The following GOLM2 variants were observed in gnomAD, a reference collection of about 807,000 sequenced individuals.
The protein encoded by GOLM2 is protein GOLM2.
GOLM2 carries 26 observed loss-of-function variants against 55.9 expected under a neutral mutation model. The observed-to-expected ratio is 0.47, with a 90% CI of 0.34 to 0.65. The LOEUF is 0.65. Among genes scored for constraint, GOLM2 ranks in the 30% least tolerant of loss-of-function variants. The pLI, the probability that GOLM2 is intolerant of heterozygous loss-of-function variation, is 0.01. For synonymous variants in GOLM2, 165 were observed against 194.6 expected (o/e 0.85, Z 1.27); for missense variants, 486 against 531.8 (o/e 0.91, Z 0.85).
chr15:44,314,209 C>G (rs1432806281), intron 1 of GOLM2, among the ~76,000 whole-genome samples: 1 of 149,692 alleles, frequency 6.7e-6, no homozygotes, highest in Non-Finnish European at 1.5e-5. Context: ...TGCACTGCAG[C>G]CTGGGCAACA....
intron 8 of GOLM2, among the ~76,000 whole-genome samples, chr15:44,382,823 T>C (rs2079413003): frequency 6.6e-6 from 1 of 150,672 alleles, no homozygotes; most frequent in Non-Finnish European, 1.5e-5. Context: ...CTTGAGAGGC[T>C]GAGGCAGGAG....
chr15:44,344,702 T>C (rs953745743), intron 6 of GOLM2, among the ~76,000 whole-genome samples: 21 of 152,086 alleles, frequency 1.4e-4, no homozygotes, highest in African/African-American at 5.1e-4. Context: ...GCAATCCTTC[T>C]GCCTTACCTT....
Position 44,289,113 on chromosome 15 carries a change from C to T in GOLM2, c.84C>T (p.Leu28=), listed in dbSNP as rs77839597. 9,723 of 1,614,132 alleles carry T rather than the reference C, an allele frequency of 6.0e-3. 521 individuals are homozygous for T. The African/African-American group carries it at 0.11, about 19-fold the overall frequency. ...TGCTGCTGGTGGTGATCGTCGTCCT[C>T]GCCTTCAACTACTGGAGCATCTCCT... ...LVVLLVVIVV[L]AFNYWSISSR... Residue 28 remains leucine, a synonymous_variant, in exon 1 of 10, where the codon CTC becomes CTT. Coordinates refer to ENST00000299957, the MANE Select transcript of GOLM2 (RefSeq NM_138423.4). This position sits in a 1 kb window ranked among gnomAD's most constrained non-coding sequence, Gnocchi z 4.8.
At chr15:44,351,576 C>CAAAAAAAAAAAAAAAAAAAAA (rs1175016633) in intron 6 of GOLM2, among the ~76,000 whole-genome samples, 2 of 45,892 alleles carry the variant, frequency 4.4e-5, no homozygotes, top group South Asian at 8.8e-4. Flanking sequence ...GACTCTGTCT[C>CAAAAAAAAAAAAAAAAAAAAA]AAAAAAAAAA....
At position 44,391,949 on chromosome 15, in the gene GOLM2, C is replaced by T. The variant is rs150452030; in HGVS notation, c.1073-10938C>T. On this transcript the variant is annotated intron_variant, in intron 8 of 9. Transcript: ENST00000299957. ...CACCGCAACCTCTGCCTCCCAGGTTCAAGCTATTCTCCTGCCTCAGCCTCC... is the reference window on the plus strand; with the variant it reads ...CACCGCAACCTCTGCCTCCCAGGTTTAAGCTATTCTCCTGCCTCAGCCTCC... Among the ~76,000 whole-genome samples, 206 of 152,246 alleles carry T rather than the reference C, an allele frequency of 1.4e-3. 1 individual carries two copies. The highest frequency in any genetic ancestry group is 4.7e-3 in the African/African-American group (197 of 41,564).
chr15:44,301,804 C>T (rs774051469), intron 1 of GOLM2, among the ~76,000 whole-genome samples: 6 of 151,660 alleles, frequency 4.0e-5, no homozygotes, highest in African/African-American at 7.3e-5. Context: ...CCCATTTACT[C>T]GGGAGGTTGA....
chr15:44,401,875 G>A (rs1490504927), intron 8 of GOLM2, among the ~76,000 whole-genome samples: 2 of 148,614 alleles, frequency 1.3e-5, no homozygotes, highest in Admixed American at 6.8e-5. Context: ...TGTCACTCAG[G>A]CTGGAGTGCA....
chr15:44,353,415 G>A (rs1024803259), intron 6 of GOLM2, among the ~76,000 whole-genome samples: 5 of 152,120 alleles, frequency 3.3e-5, no homozygotes, highest in African/African-American at 1.2e-4. Flanking sequence ...ATATGACCTG[G>A]CATTCATATG....
intron 1 of GOLM2, among the ~76,000 whole-genome samples, chr15:44,303,102 C>CAATAAATAAATA (rs71111853): frequency 2.0e-5 from 3 of 146,928 alleles, no homozygotes; most frequent in African/African-American, 5.0e-5. Flanking sequence ...TACTCCATCT[C>CAATAAATAAATA]AATAAATAAA....
intron 6 of GOLM2, among the ~76,000 whole-genome samples, chr15:44,358,341 A>G (rs2079211479): frequency 6.6e-6 from 1 of 152,224 alleles, no homozygotes; most frequent in Admixed American, 6.5e-5. Context: ...TGACAGAGCG[A>G]GACTCTGTCT....
At chr15:44,291,551 C>T (rs1264600750) in intron 1 of GOLM2, among the ~76,000 whole-genome samples, 2 of 152,192 alleles carry the variant, frequency 1.3e-5, no homozygotes. Context: ...AAATGGCAGT[C>T]TTCCTAGTCA....
intron 8 of GOLM2, among the ~76,000 whole-genome samples, chr15:44,386,745 C>T (rs1397351243): frequency 6.6e-6 from 1 of 152,088 alleles, no homozygotes. Context: ...GTGGCACAAG[C>T]CTGTAGCCTC....
At chr15:44,391,390 G>C (rs920260082) in intron 8 of GOLM2, among the ~76,000 whole-genome samples, 3 of 151,824 alleles carry the variant, frequency 2.0e-5, no homozygotes, top group Non-Finnish European at 2.9e-5. Context: ...GGTGGCGGGC[G>C]CCTGTAGTCC....
At position 44,289,484 on chromosome 15, in the gene GOLM2, C is replaced by A. The variant is rs893998724; in HGVS notation, c.327+128C>A. 7 of 806,490 alleles carry A rather than the reference C, an allele frequency of 8.7e-6. No individual in the cohort carries two copies. Among genetic ancestry groups the A allele is most frequent in the Non-Finnish European group, 1.3e-5 (7 of 521,144 alleles). The allele number at this position is 806,490 out of a possible 1,614,324, so 50.0% of individuals were successfully genotyped here. A position where few individuals can be genotyped will look rare whatever the true frequency, so the allele number is the denominator to read the frequency against. On this transcript the variant is annotated intron_variant, in intron 1 of 9. Transcript: ENST00000299957. The surrounding 1 kb of genome is among the most constrained non-coding windows in gnomAD (Gnocchi z 4.8). ...TTCAGTCCTGAAGGCTCCTTTCACC[C>A]CCAACAACCCTGTTTCTGTCAGACT...
chr15:44,332,358 A>G (rs1236180582), intron 4 of GOLM2, among the ~76,000 whole-genome samples: 1 of 152,162 alleles, frequency 6.6e-6, no homozygotes, highest in Non-Finnish European at 1.5e-5. Context: ...GGAGTTCAAG[A>G]TCACCCTGGC....
Position 44,304,230 on chromosome 15 carries a change from CTTTTTTTTTTTTTT to C in GOLM2, c.327+14890_327+14903del, listed in dbSNP as rs895623812. Among the ~76,000 whole-genome samples the C allele has an allele frequency of 6.0e-3, 497 of 82,926 alleles. 5 individuals are homozygous for C. Among genetic ancestry groups the C allele is most frequent in the Non-Finnish European group, 8.0e-3 (341 of 42,610 alleles). The allele number at this position is 82,926 out of a possible 152,430, so 54.4% of individuals were successfully genotyped here. ...TCAGTCACGTCTTCAGGCTCCACTT[CTTTTTTTTTTTTTT>C]TTTTTTTTTTTTTTTGAGACAGAGT... is the stretch of plus-strand genomic sequence containing the variant. On this transcript the variant is annotated intron_variant, in intron 1 of 9. Transcript: ENST00000299957.
In GOLM2 at chr15:44,311,567, A is replaced by G. The variant is rs563674154; in HGVS notation, c.328-11398A>G. 2.1e-4 allele frequency among the ~76,000 whole-genome samples: 32 copies of G among 152,214 alleles called. No homozygotes were observed. In the South Asian group the frequency reaches 6.6e-3, roughly 32 times the overall value. On this transcript the variant is annotated intron_variant, in intron 1 of 9. Transcript: ENST00000299957. Reference sequence around the variant, plus strand: ...GTCCTTCGAAGGGCCTGGGATGAGAACTAGAAATATTTGCCAATGTTAATG... The same window carrying G: ...GTCCTTCGAAGGGCCTGGGATGAGAGCTAGAAATATTTGCCAATGTTAATG...
chr15:44,366,267 A>G (rs1425710933), intron 6 of GOLM2, among the ~76,000 whole-genome samples: 7 of 149,702 alleles, frequency 4.7e-5, no homozygotes, highest in African/African-American at 1.5e-4. Flanking sequence ...GCTGCACTCC[A>G]GCCTGGGCAA....
rs1268121905 is a variant in GOLM2 at position 44,369,202 on chromosome 15, ATATATGTG to A, written c.803-10486_803-10479del. ...TTTAGATATGTGTGTGTATATATAT[ATATATGTG>A]TGTGTGTGTGTGTGTGTGTGTGTGT... On this transcript the variant is annotated intron_variant, in intron 6 of 9. Coordinates refer to ENST00000299957, the MANE Select transcript of GOLM2 (RefSeq NM_138423.4). Among the ~76,000 whole-genome samples, 51 of 126,038 alleles carry A rather than the reference ATATATGTG, an allele frequency of 4.0e-4. 1 individual carries two copies. In the East Asian group the frequency reaches 8.6e-3, roughly 21 times the overall value. 82.7% of individuals were successfully genotyped at this position (126,038 alleles called of 152,430 possible).
Sources: gnomAD v4.1 joint callset for allele counts (sites outside exome capture counted in the v4.1 genomes callset) on GRCh38, gnomAD v4.1.1 for gene constraint, Gnocchi (gnomAD v3.1) non-coding constraint, MANE v1.5 for transcripts, NCBI Gene and HGNC (gene_info 2026-07-23, HGNC 2026-07-21) for gene names.